ARHGEF28: variants seen among roughly 807,000 people sequenced by gnomAD.
ARHGEF28 encodes the protein Rho guanine nucleotide exchange factor 28.
A neutral mutation model predicts 206.6 loss-of-function variants in ARHGEF28; 152 were observed. The ratio of observed to expected loss-of-function variants is 0.74; its 90% CI spans 0.64 to 0.84. The LOEUF (loss-of-function observed/expected upper bound fraction) is 0.84. ARHGEF28 is among the 40% of genes least tolerant of loss of function. The pLI is 0.00. For missense variants in ARHGEF28, 2,028 were observed against 2,073.2 expected, an observed-to-expected ratio of 0.98 and a Z score of 0.42; for synonymous variants, 763 against 776.4, an observed-to-expected ratio of 0.98 and a Z score of 0.29.
intron 5 of ARHGEF28, among the ~76,000 whole-genome samples, chr5:73,776,163 A>G (rs1462452539): frequency 2.0e-5 from 3 of 152,192 alleles, no homozygotes; most frequent in Non-Finnish European, 4.4e-5. Flanking sequence ...AATTTGTTCT[A>G]CTACAGGTAG....
intron 35 of ARHGEF28, among the ~76,000 whole-genome samples, chr5:73,936,310 T>C (rs1764415499): frequency 6.6e-6 from 1 of 152,294 alleles, no homozygotes; most frequent in South Asian, 2.1e-4. Context: ...CTTTTGAGGA[T>C]TGTGTGTGGG....
chr5:73,791,895 G>A (rs1456319294), intron 7 of ARHGEF28, among the ~76,000 whole-genome samples: 1 of 152,200 alleles, frequency 6.6e-6, no homozygotes, highest in Non-Finnish European at 1.5e-5. Flanking sequence ...AATAGGTAGA[G>A]TTACTGATAC....
chr5:73,735,722 C>A (rs1348327593), intron 2 of ARHGEF28, among the ~76,000 whole-genome samples: 1 of 152,196 alleles, frequency 6.6e-6, no homozygotes, highest in Non-Finnish European at 1.5e-5. Context: ...TCCAGGAACT[C>A]TTTGTCTTCC....
At position 73,662,448 on chromosome 5, in the gene ARHGEF28, A is replaced by G. The variant is rs570293930; in HGVS notation, c.-11-22393A>G. ...GAGCACATCCAATATTAAGAGTTACACACTTGTCCAAGTGAAGATTGCCTG... is the reference window on the plus strand; with the variant it reads ...GAGCACATCCAATATTAAGAGTTACGCACTTGTCCAAGTGAAGATTGCCTG... On this transcript the variant is annotated intron_variant, in intron 1 of 35. Transcript: ENST00000513042. 7.2e-5 allele frequency among the ~76,000 whole-genome samples: 11 copies of G among 152,338 alleles called. No homozygotes were observed. The East Asian group carries it at 1.3e-3, about 19-fold the overall frequency.
chr5:73,907,302 C>CA (rs1208519452), intron 33 of ARHGEF28, among the ~76,000 whole-genome samples: 1 of 152,204 alleles, frequency 6.6e-6, no homozygotes, highest in Non-Finnish European at 1.5e-5. Context: ...GTCTTCTTTT[C>CA]AACCCTGAAT....
At chr5:73,928,530 T>C (rs149143830) in intron 35 of ARHGEF28, among the ~76,000 whole-genome samples, 5 of 152,252 alleles carry the variant, frequency 3.3e-5, no homozygotes, top group African/African-American at 1.2e-4. Context: ...AGCTTGGGTG[T>C]GTTAGGTTTA....
intron 20 of ARHGEF28, 124 bp from the exon 21 acceptor site, chr5:73,869,945 G>T: frequency 8.9e-7 from 1 of 1,122,056 alleles, no homozygotes; most frequent in Non-Finnish European, 1.3e-6. Context: ...AATATGTTTT[G>T]GTTTAGTAGT....
In ARHGEF28 at chr5:73,840,615, C is replaced by T. The variant is rs369396839; in HGVS notation, c.1282C>T (p.Pro428Ser). 2.4e-5 allele frequency: 38 copies of T among 1,613,792 alleles called. No individual in the cohort carries two copies. Among genetic ancestry groups the T allele is most frequent in the Non-Finnish European group, 3.2e-5 (38 of 1,179,888 alleles). Residue 428 changes from proline to serine, a missense_variant, in exon 11 of 36, where the codon CCA becomes TCA. Physicochemically the swap from Pro to Ser is moderately conservative, Grantham distance 74. Around this residue, in one of 3 missense-constraint regions of ARHGEF28, gnomAD observed 1,002 missense variants for 1,015.3 expected, o/e 0.99. Transcript: ENST00000513042. ...LPTETSPSVY[P>S]LSENVEGTAH... Reference sequence around the variant, plus strand: ...TACAGAAACCAGTCCCAGTGTGTACCCACTTAGTGAAAATGTCGAAGGGAC... The same window carrying T: ...TACAGAAACCAGTCCCAGTGTGTACTCACTTAGTGAAAATGTCGAAGGGAC...
In ARHGEF28 at chr5:73,857,974, C is replaced by G. The variant is rs1759155058; in HGVS notation, c.1915-113C>G. On this transcript the variant is annotated intron_variant, in intron 15 of 35. Transcript: ENST00000513042. ...TCCCTCTGTGTGCAGTCCTTATATT[C>G]TGATGGAAAATGTAGAGACTTTGCT... 9 of 1,475,268 alleles carry G rather than the reference C, an allele frequency of 6.1e-6. No individual in the cohort carries two copies. In the East Asian group the frequency reaches 2.0e-4, roughly 34 times the overall value. 91.4% of individuals were successfully genotyped at this position (1,475,268 alleles called of 1,614,324 possible).
chr5:73,749,211 G>T (rs745472791), intron 2 of ARHGEF28, among the ~76,000 whole-genome samples: 35 of 152,228 alleles, frequency 2.3e-4, no homozygotes, highest in Non-Finnish European at 4.0e-4. Context: ...CTATTTATTT[G>T]GCAATGTTTG....
chr5:73,855,605 G>A (rs1349695399), intron 14 of ARHGEF28, among the ~76,000 whole-genome samples: 6 of 151,904 alleles, frequency 3.9e-5, no homozygotes, highest in Admixed American at 6.6e-5. Context: ...GGTGGTGGGC[G>A]CCTGTAATTC....
chr5:73,889,731 A>G, intron 26 of ARHGEF28, among the ~76,000 whole-genome samples: 1 of 152,242 alleles, frequency 6.6e-6, no homozygotes, highest in East Asian at 1.9e-4. Flanking sequence ...GGCATTGGGC[A>G]GAAATGTGAT....
chr5:73,703,671 G>GTGTGTGTGTGTT (rs377711723), intron 2 of ARHGEF28, among the ~76,000 whole-genome samples: 59 of 151,750 alleles, frequency 3.9e-4, no homozygotes, highest in Middle Eastern at 3.4e-3. Flanking sequence ...GTGTGTGTGT[G>GTGTGTGTGTGTT]TGTTATGAGT....
intron 2 of ARHGEF28, among the ~76,000 whole-genome samples, chr5:73,703,056 C>G (rs915302188): frequency 6.6e-6 from 1 of 152,148 alleles, no homozygotes; most frequent in Non-Finnish European, 1.5e-5. Flanking sequence ...AAAAAGTTAC[C>G]TGAATCCAAT....
intron 2 of ARHGEF28, among the ~76,000 whole-genome samples, chr5:73,724,446 C>T (rs1750156914): frequency 6.6e-6 from 1 of 151,944 alleles, no homozygotes; most frequent in Admixed American, 6.6e-5. Flanking sequence ...TAGTAAAATC[C>T]CCCCCTTTTT....
chr5:73,808,447 A>C (rs1209579158), intron 9 of ARHGEF28, among the ~76,000 whole-genome samples: 2 of 152,148 alleles, frequency 1.3e-5, no homozygotes. Context: ...TTTTCTGTAC[A>C]ACATAGCCTC....
At chr5:73,812,223 C>T (rs1370101187) in intron 9 of ARHGEF28, among the ~76,000 whole-genome samples, 1 of 152,150 alleles carries the variant, frequency 6.6e-6, no homozygotes, top group East Asian at 1.9e-4. Context: ...CCCAATCAGA[C>T]AGGATTAGCT....
At chr5:73,773,705 A>G (rs2112447249) in intron 4 of ARHGEF28, 150 bp from the exon 5 acceptor site, 2 of 872,440 alleles carry the variant, frequency 2.3e-6, no homozygotes, top group South Asian at 4.3e-5. Flanking sequence ...CCAAATTTGT[A>G]AAATGAGATA....
intron 35 of ARHGEF28, among the ~76,000 whole-genome samples, chr5:73,918,932 G>A (rs1763368450): frequency 6.6e-6 from 1 of 152,174 alleles, no homozygotes; most frequent in South Asian, 2.1e-4. Context: ...CTTCTTAGTT[G>A]ATTCTGAAGC....
Sources: gnomAD v4.1 joint callset for allele counts (sites outside exome capture counted in the v4.1 genomes callset) on GRCh38, gnomAD v4.1.1 for gene constraint, gnomAD v4.1.1 regional missense constraint, MANE v1.5 for transcripts, NCBI Gene and HGNC (gene_info 2026-07-23, HGNC 2026-07-21) for gene names.